Variants in PISD observed in about 807,000 individuals in gnomAD.
PISD encodes the protein phosphatidylserine decarboxylase proenzyme, mitochondrial.
PISD carries 31 observed loss-of-function variants against 43.5 expected under a neutral mutation model. That is an observed-to-expected ratio of 0.71 (90% CI 0.54 to 0.96). The LOEUF (loss-of-function observed/expected upper bound fraction) is 0.96. PISD is among the 40% of genes least tolerant of loss of function. The probability of loss-of-function intolerance (pLI) is 0.00; values close to 1 mark genes in which losing one functional copy is unlikely to be tolerated. For missense variants in PISD, 523 were observed against 548.4 expected (o/e 0.95, Z 0.46); for synonymous variants, 259 against 228.7 (o/e 1.13, Z -1.20).
At chr22:31,639,025 C>T (rs1446025739) in intron 3 of PISD, among the ~76,000 whole-genome samples, 1 of 151,588 alleles carries the variant, frequency 6.6e-6, no homozygotes, top group Non-Finnish European at 1.5e-5. Context: ...GACAGCGTCT[C>T]GCTCTGTCAC....
At chr22:31,645,854 CT>C (rs1365671137) in intron 3 of PISD, among the ~76,000 whole-genome samples, 14 of 115,782 alleles carry the variant, frequency 1.2e-4, no homozygotes, top group African/African-American at 3.1e-4. Context: ...GAGACTCCAT[CT>C]AAAAAAAAAA....
intron 3 of PISD, among the ~76,000 whole-genome samples, chr22:31,644,613 TG>T (rs1439408576): frequency 1.3e-4 from 20 of 152,344 alleles, no homozygotes; most frequent in African/African-American, 4.3e-4. Flanking sequence ...ATTTTTCATT[TG>T]TGATGACAGT....
chr22:31,629,356 GGTGTGTGTAGGGGGTGTGTAGGTGTGAGT>G (rs1569484302), intron 3 of PISD: 2 of 260,814 alleles, frequency 7.7e-6, no homozygotes, highest in African/African-American at 2.3e-5. Flanking sequence ...TAGGTGTGAG[GGTGTGTGTAGGGGGTGTGTAGGTGTGAGT>G]GTGTTATGCG....
At chr22:31,624,210 G>A (rs1464201302) in intron 3 of PISD, among the ~76,000 whole-genome samples, 1 of 152,198 alleles carries the variant, frequency 6.6e-6, no homozygotes, top group Non-Finnish European at 1.5e-5. Context: ...CCAAGCACCT[G>A]GGCCCAGGAA....
At position 31,638,559 on chromosome 22, in the gene PISD, A is replaced by C. The variant is rs927541684; in HGVS notation, c.321+9542T>G. On this transcript the variant is annotated intron_variant, in intron 3 of 7. Transcript: ENST00000439502. ...CCCCAAGAGAGGCAAAACGGGTAGT[A>C]AGGACACCCGCAGGCCACTCCTCCC... The C allele has an allele frequency of 8.8e-5, 87 of 985,036 alleles. 2 individuals are homozygous for C. The highest frequency in any genetic ancestry group is 1.0e-3 in the Middle Eastern group (2 of 1,912). 61.0% of individuals were successfully genotyped at this position (985,036 alleles called of 1,614,324 possible). A position where few individuals can be genotyped will look rare whatever the true frequency, so the allele number is the denominator to read the frequency against.
chr22:31,644,207 T>C (rs562986039), intron 3 of PISD, among the ~76,000 whole-genome samples: 106 of 152,034 alleles, frequency 7.0e-4, no homozygotes, highest in East Asian at 4.1e-3. Context: ...TTTGTAGATT[T>C]CTAGGAGTTA....
chr22:31,619,638 A>G lies in PISD; in HGVS notation c.1204T>C (p.Phe402Leu), dbSNP rs1294112257. 1 of 1,614,170 alleles carries G rather than the reference A, an allele frequency of 6.2e-7. No homozygotes were observed. The highest frequency in any genetic ancestry group is 8.5e-7 in the Non-Finnish European group (1 of 1,180,002). The change falls in exon 8 of 8, where the codon TTT (phenylalanine) becomes CTT (leucine). Residue 402 changes from phenylalanine to leucine, a missense_variant. By Grantham distance (22) the Phe-to-Leu change is conservative (BLOSUM62 0). Coordinates refer to ENST00000439502, the MANE Select transcript of PISD (RefSeq NM_001326411.2). ...TAGAGCGAGCCCAGGGCTTCCCCAAAGCGGATTTTCTGTCCTGTTTTCAGC... is the reference window on the plus strand; with the variant it reads ...TAGAGCGAGCCCAGGGCTTCCCCAAGGCGGATTTTCTGTCCTGTTTTCAGC... ...FQLKTGQKIR[F>L]GEALGSL
At chr22:31,646,064 A>G (rs989357856) in intron 3 of PISD, among the ~76,000 whole-genome samples, 1 of 151,878 alleles carries the variant, frequency 6.6e-6, no homozygotes, top group Non-Finnish European at 1.5e-5. Context: ...AGTCCAGACC[A>G]TTTCCCCCTC....
intron 3 of PISD, chr22:31,632,153 G>T: frequency 1.3e-6 from 1 of 776,102 alleles, no homozygotes; most frequent in Non-Finnish European, 1.6e-6. Context: ...AGGGTGTACA[G>T]TCACAGCCCC....
In PISD at chr22:31,625,955, C is replaced by T. The variant is rs970289442; in HGVS notation, c.322-4070G>A. The T allele has an allele frequency of 2.4e-5, 35 of 1,482,956 alleles. No individual in the cohort carries two copies. The East Asian group carries it at 4.7e-4, about 20-fold the overall frequency. The allele number at this position is 1,482,956 out of a possible 1,614,324, so 91.9% of individuals were successfully genotyped here. ...CTGCCTCTGCGAGGCTGGTTGGTGG[C>T]GCCGCTTCCTGGGTTTGGTTCAGTC... On this transcript the variant is annotated intron_variant, in intron 3 of 7. Coordinates refer to ENST00000439502, the MANE Select transcript of PISD (RefSeq NM_001326411.2).
chr22:31,619,881 GCA>G (rs1448709821), intron 7 of PISD, 45 bp from the exon 8 acceptor site: 2 of 1,298,408 alleles, frequency 1.5e-6, no homozygotes, highest in African/African-American at 1.5e-5. Flanking sequence ...GCCACCAAGT[GCA>G]CAGTGTCACC....
Position 31,625,775 on chromosome 22 carries a change from C to T in PISD, c.322-3890G>A, listed in dbSNP as rs980506026. The T allele has an allele frequency of 8.8e-6, 14 of 1,594,098 alleles. No individual in the cohort carries two copies. The highest frequency in any genetic ancestry group is 4.5e-5 in the East Asian group (2 of 44,092). ...GGCAGCATCTCACCATTTCGCCGCG[C>T]GGAGCTCTGGTCCTTGCCGCGCCTC... is the stretch of plus-strand genomic sequence containing the variant. On this transcript the variant is annotated intron_variant, in intron 3 of 7. Coordinates refer to ENST00000439502, the MANE Select transcript of PISD (RefSeq NM_001326411.2).
chr22:31,645,120 CA>C (rs753252900), intron 3 of PISD, among the ~76,000 whole-genome samples: 4 of 137,808 alleles, frequency 2.9e-5, no homozygotes, highest in Non-Finnish European at 3.2e-5. Context: ...GACTCCGTCT[CA>C]AAAAAAAAAG....
chr22:31,653,344 T>C (rs1190268225), intron 1 of PISD, among the ~76,000 whole-genome samples: 1 of 152,174 alleles, frequency 6.6e-6, no homozygotes, highest in Non-Finnish European at 1.5e-5. Context: ...GAAGGATAAA[T>C]TGTTGTGTTC....
intron 1 of PISD, among the ~76,000 whole-genome samples, chr22:31,653,007 C>T (rs2074070727): frequency 6.7e-6 from 1 of 150,262 alleles, no homozygotes; most frequent in Non-Finnish European, 1.5e-5. Context: ...CTACTGTACT[C>T]CAGGCTGGGT....
At chr22:31,637,843 C>T (rs2073558860) in intron 3 of PISD, among the ~76,000 whole-genome samples, 1 of 152,208 alleles carries the variant, frequency 6.6e-6, no homozygotes, top group Admixed American at 6.5e-5. Context: ...GCTCTTCACT[C>T]CCTAATGTCA....
intron 1 of PISD, 41 bp from the exon 2 acceptor site, chr22:31,650,819 A>G (rs1458154436): frequency 5.1e-5 from 64 of 1,266,740 alleles, no homozygotes; most frequent in Non-Finnish European, 7.1e-5. Context: ...ATTATTCTTA[A>G]AATTAAAATT....
chr22:31,657,800 G>A (rs990518062), intron 1 of PISD, among the ~76,000 whole-genome samples: 2 of 152,142 alleles, frequency 1.3e-5, no homozygotes, highest in Admixed American at 6.6e-5. Flanking sequence ...GATTACAGGC[G>A]TGAGCCACTG....
chr22:31,624,653 A>G, intron 3 of PISD, among the ~76,000 whole-genome samples: 1 of 140,802 alleles, frequency 7.1e-6, no homozygotes, highest in South Asian at 2.6e-4. Flanking sequence ...CTGCACAGAC[A>G]GACACACACA....
Sources: gnomAD v4.1 joint callset for allele counts (sites outside exome capture counted in the v4.1 genomes callset) on GRCh38, gnomAD v4.1.1 for gene constraint, MANE v1.5 for transcripts, NCBI Gene and HGNC (gene_info 2026-07-23, HGNC 2026-07-21) for gene names.